The following TMEM170A variants were observed in gnomAD, a reference collection of about 807,000 sequenced individuals.
The protein encoded by TMEM170A is transmembrane protein 170.
In TMEM170A, 18 loss-of-function variants were observed where a neutral mutation model predicts 12.8. The observed-to-expected ratio is 1.41, with a 90% CI of 0.97 to 2.09. The LOEUF is 2.09. TMEM170A is among the 30% of genes most tolerant of loss of function. TMEM170A has a pLI of 0.00. For missense variants in TMEM170A, 220 were observed against 179.9 expected, an observed-to-expected ratio of 1.22 and a Z score of -1.28; for synonymous variants, 107 against 76.2, an observed-to-expected ratio of 1.40 and a Z score of -2.11.
At chr16:75,450,485 T>C (rs903437971) in intron 2 of TMEM170A, among the ~76,000 whole-genome samples, 1 of 152,146 alleles carries the variant, frequency 6.6e-6, no homozygotes, top group Non-Finnish European at 1.5e-5. Context: ...TTTAAACTTA[T>C]TGTTCTCATT....
At chr16:75,454,186 G>A (rs2079741507) in intron 1 of TMEM170A, among the ~76,000 whole-genome samples, 1 of 134,084 alleles carries the variant, frequency 7.5e-6, no homozygotes, top group Admixed American at 7.3e-5. Context: ...GCAGGATATG[G>A]AGAGGCACCT....
intron 2 of TMEM170A, among the ~76,000 whole-genome samples, chr16:75,450,367 T>C (rs2079661184): frequency 1.3e-5 from 2 of 152,196 alleles, no homozygotes; most frequent in African/African-American, 4.8e-5. Flanking sequence ...ATGTAAACTG[T>C]GGCTATTATT....
chr16:75,463,786 A>G (rs1402377545), intron 1 of TMEM170A, among the ~76,000 whole-genome samples: 3 of 152,262 alleles, frequency 2.0e-5, no homozygotes, highest in African/African-American at 7.2e-5. Flanking sequence ...TCCTGGCATT[A>G]GAATTCTGAG....
intron 1 of TMEM170A, among the ~76,000 whole-genome samples, chr16:75,461,290 A>G (rs1347048279): frequency 6.6e-6 from 1 of 151,786 alleles, no homozygotes; most frequent in East Asian, 1.9e-4. Context: ...CTGACCTTAG[A>G]TGATCCGCCC....
intron 2 of TMEM170A, among the ~76,000 whole-genome samples, chr16:75,451,071 A>G (rs1434463017): frequency 6.6e-6 from 1 of 152,190 alleles, no homozygotes; most frequent in Non-Finnish European, 1.5e-5. Context: ...GTGATAGCTG[A>G]TCAGAGAGGA....
intron 1 of TMEM170A, among the ~76,000 whole-genome samples, chr16:75,463,652 G>C (rs994215552): frequency 7.9e-5 from 12 of 152,332 alleles, no homozygotes; most frequent in African/African-American, 2.4e-4. Flanking sequence ...CCAGGGCCAC[G>C]GGCTCTAGTC....
chr16:75,464,316 C>A, intron 1 of TMEM170A, 152 bp downstream of exon 1: 2 of 1,453,164 alleles, frequency 1.4e-6, no homozygotes, highest in African/African-American at 1.5e-5. Context: ...GGGAAAGGGG[C>A]TCCGGGCGAG....
intron 1 of TMEM170A, among the ~76,000 whole-genome samples, chr16:75,462,456 G>A (rs1182029624): frequency 5.9e-5 from 9 of 152,358 alleles, no homozygotes; most frequent in African/African-American, 2.2e-4. Context: ...TGATACGCCT[G>A]CCTCAGCCTC....
rs1021438766 is a variant in TMEM170A, at chr16:75,453,771, T to G, written c.134-1932A>C. 2.6e-5 allele frequency among the ~76,000 whole-genome samples: 4 copies of G among 152,238 alleles called. No homozygotes were observed. The South Asian group carries it at 8.3e-4, about 32-fold the overall frequency. The stretch of plus-strand genomic sequence containing the variant: ...AGGAGAGCTGGCTCCTACAGAACTC[T>G]AATCACTCTTAAGGTGTCTGTAACT... On this transcript the variant is annotated intron_variant, in intron 1 of 2. Coordinates refer to ENST00000561878, the MANE Select transcript of TMEM170A (RefSeq NM_145254.3).
chr16:75,455,890 C>CGGGG (rs956893179), intron 1 of TMEM170A, among the ~76,000 whole-genome samples: 25 of 152,092 alleles, frequency 1.6e-4, no homozygotes, highest in African/African-American at 5.6e-4. Flanking sequence ...GGCATCAATC[C>CGGGG]GCTTGAGGGG....
At chr16:75,464,062 G>A (rs1212147733) in intron 1 of TMEM170A, among the ~76,000 whole-genome samples, 1 of 152,218 alleles carries the variant, frequency 6.6e-6, no homozygotes, top group Non-Finnish European at 1.5e-5. Context: ...GCGCGGCCGG[G>A]CCGCTCCGAG....
At chr16:75,462,067 A>G (rs2079918792) in intron 1 of TMEM170A, among the ~76,000 whole-genome samples, 1 of 152,216 alleles carries the variant, frequency 6.6e-6, no homozygotes. Context: ...GAACCCTTAC[A>G]GTAGAGAGTT....
chr16:75,449,064 A>C (rs2079634726), intron 2 of TMEM170A, among the ~76,000 whole-genome samples: 1 of 152,036 alleles, frequency 6.6e-6, no homozygotes, highest in Non-Finnish European at 1.5e-5. Context: ...CTGTTCTCAA[A>C]TAAAAATAAA....
At chr16:75,461,488 C>G (rs1351002704) in intron 1 of TMEM170A, among the ~76,000 whole-genome samples, 1 of 152,244 alleles carries the variant, frequency 6.6e-6, no homozygotes, top group East Asian at 1.9e-4. Context: ...AACAATGATT[C>G]TGCCATAATG....
chr16:75,449,817 G>A (rs1042806504), intron 2 of TMEM170A, among the ~76,000 whole-genome samples: 1 of 152,146 alleles, frequency 6.6e-6, no homozygotes, highest in African/African-American at 2.4e-5. Flanking sequence ...AAGAAAGACT[G>A]GGTTGGATAG....
In TMEM170A at chr16:75,464,688, T is replaced by A. The variant is rs981764973; in HGVS notation, c.-88A>T. ...CCGACTCACCCTCGCCGCCTCAGCG[T>A]CACCTCCAGCCGGGGTCCTCTTCCC... On this transcript the variant is annotated 5_prime_UTR_variant, in exon 1 of 3. Transcript: ENST00000561878. 2.0e-6 allele frequency: 3 copies of A among 1,488,288 alleles called. No homozygotes were observed. The highest frequency in any genetic ancestry group is 1.8e-6 in the Non-Finnish European group (2 of 1,125,492). The allele number at this position is 1,488,288 out of a possible 1,614,324, so 92.2% of individuals were successfully genotyped here. A position where few individuals can be genotyped will look rare whatever the true frequency, so the allele number is the denominator to read the frequency against.
rs2079563600 is a variant in TMEM170A, at chr16:75,445,223, T to G, written c.*2335A>C. 1 of 152,234 alleles carries G rather than the reference T, an allele frequency of 6.6e-6. No homozygotes were observed. Among genetic ancestry groups the G allele is most frequent in the Admixed American group, 6.5e-5 (1 of 15,278 alleles). The allele number at this position is 152,234 out of a possible 1,614,324, so 9.4% of individuals were successfully genotyped here. A position where few individuals can be genotyped will look rare whatever the true frequency, so the allele number is the denominator to read the frequency against. ...GATTTGAGCTTCTTGTTAGGGAATT[T>G]GTAAGAATATTTGGCTGCATTACAA... On this transcript the variant is annotated 3_prime_UTR_variant, in exon 3 of 3. Transcript: ENST00000561878.
At chr16:75,447,739 A>C (rs2151625850) in intron 2 of TMEM170A, 51 bp from the exon 3 acceptor site, 1 of 1,547,460 alleles carries the variant, frequency 6.5e-7, no homozygotes, top group South Asian at 1.2e-5. Context: ...GAAGGTTAAC[A>C]AACTCACGAA....
At chr16:75,453,835 T>C (rs968195088) in intron 1 of TMEM170A, among the ~76,000 whole-genome samples, 1 of 152,198 alleles carries the variant, frequency 6.6e-6, no homozygotes, top group African/African-American at 2.4e-5. Context: ...CAACTATGTA[T>C]GAAAAACTAT....
Sources: gnomAD v4.1 joint callset for allele counts (sites outside exome capture counted in the v4.1 genomes callset) on GRCh38, gnomAD v4.1.1 for gene constraint, MANE v1.5 for transcripts, NCBI Gene and HGNC (gene_info 2026-07-23, HGNC 2026-07-21) for gene names.